ZFTRAF1: variants seen among roughly 807,000 people sequenced by gnomAD.
ZFTRAF1 encodes the protein zinc finger TRAF-type and ring finger containing 1, also known as zinc finger TRAF-type-containing protein 1.
the ZFTRAF1 span, chr8:144,450,642 T>C: frequency 1.4e-6 from 1 of 717,918 alleles, no homozygotes; most frequent in Non-Finnish European, 2.6e-6. Flanking sequence ...CAGGACAGGT[T>C]GGGGTTACGC....
At chr8:144,450,195 G>T in the ZFTRAF1 span, 18 of 579,744 alleles carry the variant, frequency 3.1e-5, no homozygotes, top group South Asian at 3.5e-4. Context: ...AGGGGTCGGG[G>T]GGGTGAGCCG....
the ZFTRAF1 span, chr8:144,453,505 C>T: frequency 6.8e-7 from 1 of 1,472,542 alleles, no homozygotes; most frequent in Non-Finnish European, 9.2e-7. Flanking sequence ...CCTGCGGGCT[C>T]ATGCTCGCAC....
the ZFTRAF1 span, chr8:144,450,474 C>G: frequency 1.4e-6 from 1 of 718,226 alleles, no homozygotes; most frequent in Non-Finnish European, 2.6e-6. Flanking sequence ...GGCAGTGGCA[C>G]GTAGTCCGTC....
At chr8:144,462,132 G>A in the ZFTRAF1 span, 778 of 354,404 alleles carry the variant, frequency 2.2e-3, 3 homozygotes, top group Admixed American at 5.6e-3. Flanking sequence ...CTGGAGCCCC[G>A]CTGGGCGAGG....
the ZFTRAF1 span, chr8:144,450,132 G>A: frequency 1.5e-4 from 75 of 496,002 alleles, no homozygotes; most frequent in Non-Finnish European, 2.0e-4. Flanking sequence ...CTGGTGCACC[G>A]TCTCCTCTTC....
chr8:144,453,379 A>G, the ZFTRAF1 span: 1 of 1,551,194 alleles, frequency 6.4e-7, no homozygotes, highest in South Asian at 1.2e-5. Flanking sequence ...CAATTGGGGC[A>G]CGTGGCCTGC....
chr8:144,460,642 G>A, the ZFTRAF1 span, among the ~76,000 whole-genome samples: 2 of 152,252 alleles, frequency 1.3e-5, no homozygotes, highest in South Asian at 2.1e-4. Context: ...CAGCACTTCA[G>A]AAGGCCGAGG....
At chr8:144,453,615 T>G in the ZFTRAF1 span, 1 of 657,254 alleles carries the variant, frequency 1.5e-6, no homozygotes, top group Admixed American at 2.9e-5. Context: ...TGGAGTGTGG[T>G]GAACACTGCG....
At chr8:144,454,950 C>T in the ZFTRAF1 span, 3 of 152,408 alleles carry the variant, frequency 2.0e-5, no homozygotes, top group African/African-American at 7.2e-5. Flanking sequence ...GGACAAAGCC[C>T]TCTTTCATGG....
the ZFTRAF1 span, chr8:144,454,871 C>G: frequency 6.6e-6 from 1 of 152,304 alleles, no homozygotes; most frequent in Non-Finnish European, 1.5e-5. Flanking sequence ...GGGCTGTTCA[C>G]TCAGCACCTG....
At chr8:144,458,526 C>T in the ZFTRAF1 span, among the ~76,000 whole-genome samples, 2 of 152,180 alleles carry the variant, frequency 1.3e-5, no homozygotes, top group African/African-American at 4.8e-5. Context: ...ATGGTGACTC[C>T]ACCCCCCCAG....
the ZFTRAF1 span, among the ~76,000 whole-genome samples, chr8:144,462,058 AG>A: frequency 7.2e-5 from 11 of 152,276 alleles, no homozygotes; most frequent in East Asian, 1.5e-3. Flanking sequence ...AAAACAGAAA[AG>A]GGGGGTCCCG....
the ZFTRAF1 span, among the ~76,000 whole-genome samples, chr8:144,452,833 G>C: frequency 6.6e-6 from 1 of 152,228 alleles, no homozygotes; most frequent in Non-Finnish European, 1.5e-5. Context: ...CCTCTGTTTG[G>C]CAGTGGTGGT....
At chr8:144,462,279 C>A in the ZFTRAF1 span, 1 of 583,964 alleles carries the variant, frequency 1.7e-6, no homozygotes, top group Non-Finnish European at 3.0e-6. Context: ...GCCGGCGGCC[C>A]TACCTGGTAC....
chr8:144,462,252 G>A, the ZFTRAF1 span: 7 of 528,544 alleles, frequency 1.3e-5, no homozygotes, highest in Middle Eastern at 5.0e-4. Context: ...GCCCCGGGCT[G>A]GGCCGGGTCG....
At chr8:144,458,234 CA>C in the ZFTRAF1 span, among the ~76,000 whole-genome samples, 1 of 152,242 alleles carries the variant, frequency 6.6e-6, no homozygotes, top group African/African-American at 2.4e-5. Context: ...TGTCAGACCT[CA>C]AACGGTGGCC....
At chr8:144,462,635 G>C in the ZFTRAF1 span, 1,884 of 144,590 alleles carry the variant, frequency 0.013, 20 homozygotes, top group Non-Finnish European at 0.021. Context: ...GCCCCCGCCG[G>C]CCTCCTCGGC....
chr8:144,452,708 T>C, the ZFTRAF1 span: 6 of 782,090 alleles, frequency 7.7e-6, no homozygotes, highest in Non-Finnish European at 1.2e-5. Context: ...CCCCCCAGGA[T>C]GAGGTCAGAG....
At chr8:144,462,261 CG>C in the ZFTRAF1 span, 2 of 549,574 alleles carry the variant, frequency 3.6e-6, no homozygotes, top group East Asian at 3.7e-5. Flanking sequence ...TGGGCCGGGT[CG>C]GGGTCGGCCG....
Sources: gnomAD v4.1 joint callset for allele counts (sites outside exome capture counted in the v4.1 genomes callset) on GRCh38, gnomAD v4.1.1 for gene constraint, MANE v1.5 for transcripts, NCBI Gene and HGNC (gene_info 2026-07-23, HGNC 2026-07-21) for gene names.